Variants in CASD1 observed in about 807,000 individuals in gnomAD.
The protein encoded by CASD1 is CAS1 domain sialic acid O acetyltransferase 1.
A neutral mutation model predicts 100.0 loss-of-function variants in CASD1; 41 were observed. That is an observed-to-expected ratio of 0.41 (90% CI 0.32 to 0.53). CASD1 has a LOEUF of 0.53. CASD1 is among the 20% of genes least tolerant of loss of function. CASD1 has a pLI of 0.25. For missense variants in CASD1, 774 were observed against 948.7 expected (o/e 0.82, Z 2.42); for synonymous variants, 321 against 315.6 (o/e 1.02, Z -0.18).
At position 94,510,111 on chromosome 7, in the gene CASD1, C is replaced by T; in HGVS notation, c.27C>T (p.Gly9=). 1.3e-6 allele frequency: 2 copies of T among 1,530,034 alleles called. No homozygotes were observed. Among genetic ancestry groups the T allele is most frequent in the Admixed American group, 2.1e-5 (1 of 48,746 alleles). The allele number at this position is 1,530,034 out of a possible 1,614,324, so 94.8% of individuals were successfully genotyped here. The change falls in exon 1 of 18, where the codon GGC becomes GGT. Residue 9 remains glycine (G), a synonymous_variant. Transcript: ENST00000297273. ...TGGCGGCTCTGGCCTACAACCTGGG[C>T]AAGCGGGAGATCAACCACTACTTCA... MAALAYNL[G]KREINHYFSV...
downstream of CASD1, among the ~76,000 whole-genome samples, chr7:94,561,255 A>G (rs1427598923): frequency 2.0e-5 from 3 of 152,188 alleles, no homozygotes; most frequent in Non-Finnish European, 4.4e-5. Context: ...TCAAAAAAAA[A>G]TTAATATCCT....
the CASD1 span, among the ~76,000 whole-genome samples, chr7:94,595,149 A>G: frequency 6.6e-6 from 1 of 152,130 alleles, no homozygotes; most frequent in African/African-American, 2.4e-5. Context: ...ATTTTTTCTT[A>G]CTGACTAATT....
chr7:94,513,285 C>T (rs1793809408), intron 1 of CASD1, among the ~76,000 whole-genome samples: 1 of 138,026 alleles, frequency 7.2e-6, no homozygotes, highest in Non-Finnish European at 1.5e-5. Flanking sequence ...AAGATCGCAT[C>T]CCAAAAAAAA....
the CASD1 span, among the ~76,000 whole-genome samples, chr7:94,601,128 G>C: frequency 6.6e-6 from 1 of 151,950 alleles, no homozygotes; most frequent in African/African-American, 2.4e-5. Flanking sequence ...TAACGTGTGT[G>C]CCTATACGTG....
intron 3 of CASD1, among the ~76,000 whole-genome samples, chr7:94,521,501 A>C (rs539863107): frequency 6.6e-6 from 1 of 152,308 alleles, no homozygotes; most frequent in Admixed American, 6.5e-5. Context: ...ATTCTCTAAA[A>C]TATTGTGTTT....
At chr7:94,551,258 A>G in intron 14 of CASD1, 80 bp from the exon 15 acceptor site, 1 of 1,152,974 alleles carries the variant, frequency 8.7e-7, no homozygotes, top group Non-Finnish European at 1.2e-6. Flanking sequence ...TTTTATTCAT[A>G]TATTCCTCAC....
At chr7:94,552,563 T>C (rs1035029125) in intron 16 of CASD1, 136 bp downstream of exon 16, 1 of 621,820 alleles carries the variant, frequency 1.6e-6, no homozygotes. Flanking sequence ...TTCCTTTCTC[T>C]GTAGTAATAG....
intron 3 of CASD1, among the ~76,000 whole-genome samples, chr7:94,525,690 C>T (rs1422330572): frequency 1.3e-5 from 2 of 152,112 alleles, no homozygotes; most frequent in African/African-American, 2.4e-5. Flanking sequence ...TTTTGTTTGA[C>T]CCAGTATATC....
At chr7:94,529,749 A>G (rs1485651772) in intron 5 of CASD1, among the ~76,000 whole-genome samples, 5 of 152,158 alleles carry the variant, frequency 3.3e-5, no homozygotes, top group Admixed American at 6.5e-5. Context: ...TAAGAAGGCA[A>G]AGGCTAACAC....
At chr7:94,554,956 G>A (rs917406682) in intron 17 of CASD1, among the ~76,000 whole-genome samples, 2 of 151,756 alleles carry the variant, frequency 1.3e-5, no homozygotes, top group Admixed American at 6.6e-5. Context: ...ATATATTACT[G>A]GAATTCAGTT....
At chr7:94,581,302 A>G in the CASD1 span, among the ~76,000 whole-genome samples, 1 of 152,198 alleles carries the variant, frequency 6.6e-6, no homozygotes, top group Non-Finnish European at 1.5e-5. Context: ...ACTGTCCAAC[A>G]CTAGTTGTCA....
intron 3 of CASD1, among the ~76,000 whole-genome samples, chr7:94,521,767 A>G (rs754098242): frequency 2.6e-5 from 4 of 152,206 alleles, no homozygotes; most frequent in Non-Finnish European, 5.9e-5. Context: ...AGCTACATAT[A>G]TGTGGCAGGG....
At chr7:94,547,448 G>C (rs778982092) in intron 13 of CASD1, among the ~76,000 whole-genome samples, 61 of 151,808 alleles carry the variant, frequency 4.0e-4, no homozygotes, top group Non-Finnish European at 6.5e-4. Flanking sequence ...AACATTTATT[G>C]AATGCTTCTT....
chr7:94,530,480 A>G (rs1441809384), intron 5 of CASD1, among the ~76,000 whole-genome samples: 3 of 152,066 alleles, frequency 2.0e-5, no homozygotes, highest in Admixed American at 2.0e-4. Context: ...TATTTTATCT[A>G]TTTTTTAACT....
the CASD1 span, chr7:94,617,062 T>C: frequency 6.6e-6 from 1 of 152,168 alleles, no homozygotes; most frequent in African/African-American, 2.4e-5. Context: ...GTGATTGAAT[T>C]CTCAAACAAG....
the CASD1 span, among the ~76,000 whole-genome samples, chr7:94,611,370 A>C: frequency 6.6e-6 from 1 of 152,162 alleles, no homozygotes; most frequent in Non-Finnish European, 1.5e-5. Flanking sequence ...AATGTTATAC[A>C]AAGTGAAAGA....
the CASD1 span, among the ~76,000 whole-genome samples, chr7:94,563,410 A>G: frequency 6.6e-6 from 1 of 152,180 alleles, no homozygotes; most frequent in Admixed American, 6.5e-5. Flanking sequence ...CAATTAGAGA[A>G]TGAAGCCATA....
At chr7:94,546,679 G>T (rs1795698118) in intron 12 of CASD1, among the ~76,000 whole-genome samples, 1 of 151,812 alleles carries the variant, frequency 6.6e-6, no homozygotes, top group Non-Finnish European at 1.5e-5. Context: ...ATCCATTAGG[G>T]GGTTTAAGCT....
At chr7:94,587,487 A>G in the CASD1 span, 3 of 1,281,990 alleles carry the variant, frequency 2.3e-6, no homozygotes, top group Non-Finnish European at 2.9e-6. Flanking sequence ...TATCATTTCT[A>G]TCGTAGAAGT....
Sources: allele counts gnomAD v4.1 joint callset (sites outside exome capture counted in the v4.1 genomes callset), GRCh38; gene constraint gnomAD v4.1.1; transcripts MANE v1.5; gene names NCBI Gene and HGNC (gene_info 2026-07-23, HGNC 2026-07-21).